The following SH3BGRL2 variants were observed in gnomAD, a reference collection of about 807,000 sequenced individuals.
The protein encoded by SH3BGRL2 is SH3 domain-binding glutamic acid-rich-like protein 2.
Under a neutral mutation model 14.8 loss-of-function variants are expected in SH3BGRL2, and 21 were observed. The ratio of observed to expected loss-of-function variants is 1.42; its 90% CI spans 1.01 to 2.05. The LOEUF (loss-of-function observed/expected upper bound fraction) is 2.05, where lower values mean the gene tolerates loss of function less well. Ranked by LOEUF, SH3BGRL2 falls within the 30% of genes most tolerant of loss-of-function variation. The pLI is 0.00. For missense variants in SH3BGRL2, 147 were observed against 130.8 expected (o/e 1.12, Z -0.61); for synonymous variants, 50 against 47.8 (o/e 1.05, Z -0.19).
At chr6:79,614,886 C>T in the SH3BGRL2 span, among the ~76,000 whole-genome samples, 227 of 152,226 alleles carry the variant, frequency 1.5e-3, 1 homozygote, top group African/African-American at 5.2e-3. Context: ...GGGCCAAAAG[C>T]CACTTTCTGA....
At chr6:79,675,203 G>A (rs1195468246) in intron 2 of SH3BGRL2, among the ~76,000 whole-genome samples, 1 of 152,134 alleles carries the variant, frequency 6.6e-6, no homozygotes, top group Non-Finnish European at 1.5e-5. Flanking sequence ...CGGACTTCGA[G>A]GCTTTGAAAA....
chr6:79,555,233 T>G, the SH3BGRL2 span, among the ~76,000 whole-genome samples: 1 of 152,112 alleles, frequency 6.6e-6, no homozygotes, highest in Non-Finnish European at 1.5e-5. Context: ...GCGGATCACC[T>G]GAGGTCACGA....
At chr6:79,645,749 T>C (rs1442633635) in intron 1 of SH3BGRL2, among the ~76,000 whole-genome samples, 2 of 152,256 alleles carry the variant, frequency 1.3e-5, no homozygotes, top group African/African-American at 4.8e-5. Context: ...ATTAGTTGTT[T>C]GCTGGCTTCA....
chr6:79,554,452 T>C, the SH3BGRL2 span, among the ~76,000 whole-genome samples: 2 of 152,320 alleles, frequency 1.3e-5, no homozygotes, highest in Middle Eastern at 6.8e-3. Context: ...TGAGGGTTCT[T>C]GTTGCTGGAG....
chr6:79,606,093 G>C, the SH3BGRL2 span, among the ~76,000 whole-genome samples: 25 of 152,256 alleles, frequency 1.6e-4, no homozygotes, highest in Admixed American at 3.9e-4. Flanking sequence ...GGGCAAAAAG[G>C]CTCTTTCTAG....
At position 79,662,522 on chromosome 6, in the gene SH3BGRL2, G is replaced by A. The variant is rs142893276; in HGVS notation, c.46-11092G>A. On this transcript the variant is annotated intron_variant, in intron 1 of 3. Coordinates refer to ENST00000369838, the MANE Select transcript of SH3BGRL2 (RefSeq NM_031469.4). The stretch of plus-strand genomic sequence containing the variant: ...GTTTCTGCTGAGAGATCCACTGTTA[G>A]TCTGATGGGCTTCCCTTTGCAGGTA... Among the ~76,000 whole-genome samples the A allele has an allele frequency of 4.7e-3, 720 of 152,314 alleles. 9 individuals carry two copies. The highest frequency in any genetic ancestry group is 0.015 in the African/African-American group (631 of 41,556).
chr6:79,655,075 G>T lies in SH3BGRL2; in HGVS notation c.46-18539G>T, dbSNP rs1236633704. Among the ~76,000 whole-genome samples the T allele has an allele frequency of 2.0e-5, 3 of 152,086 alleles. No homozygotes were observed. In the East Asian group the frequency reaches 5.8e-4, roughly 29 times the overall value. On this transcript the variant is annotated intron_variant, in intron 1 of 3. Transcript: ENST00000369838. ...CTGGGTGTTTTTTTTGTGTGGGGGG[G>T]TCGGAGATGTGGTCTCACTTTAGCA...
At chr6:79,584,115 A>ATTTACTTTATTTTATT in the SH3BGRL2 span, among the ~76,000 whole-genome samples, 7 of 152,276 alleles carry the variant, frequency 4.6e-5, no homozygotes, top group South Asian at 1.2e-3. Context: ...TATGGTCCTC[A>ATTTACTTTATTTTATT]TTTACTTTAT....
At chr6:79,664,396 G>A (rs982850317) in intron 1 of SH3BGRL2, among the ~76,000 whole-genome samples, 1 of 152,216 alleles carries the variant, frequency 6.6e-6, no homozygotes, top group Admixed American at 6.5e-5. Context: ...TTTCACTGCA[G>A]TTCTCTATGC....
the SH3BGRL2 span, among the ~76,000 whole-genome samples, chr6:79,569,414 C>T: frequency 6.6e-6 from 1 of 152,126 alleles, no homozygotes; most frequent in Admixed American, 6.5e-5. Flanking sequence ...AGGAAAAAGA[C>T]CTGGTAAGGG....
At chr6:79,580,515 ATCTGAACAACTTGCT>A in the SH3BGRL2 span, among the ~76,000 whole-genome samples, 1 of 152,222 alleles carries the variant, frequency 6.6e-6, no homozygotes, top group African/African-American at 2.4e-5. Flanking sequence ...ACTACATAGA[ATCTGAACAACTTGCT>A]TCTGAATGAC....
chr6:79,557,156 A>C, the SH3BGRL2 span, among the ~76,000 whole-genome samples: 1 of 151,938 alleles, frequency 6.6e-6, no homozygotes, highest in African/African-American at 2.4e-5. Flanking sequence ...AAGGTGACCA[A>C]GTAGAATGGT....
At chr6:79,550,284 A>T in the SH3BGRL2 span, among the ~76,000 whole-genome samples, 1 of 151,956 alleles carries the variant, frequency 6.6e-6, no homozygotes, top group African/African-American at 2.4e-5. Context: ...TAACAGGAAA[A>T]GGTAGAAGCT....
the SH3BGRL2 span, among the ~76,000 whole-genome samples, chr6:79,544,333 G>A: frequency 6.6e-6 from 1 of 152,206 alleles, no homozygotes; most frequent in African/African-American, 2.4e-5. Context: ...CTGAGTCCCA[G>A]TGAGGTGCTT....
At chr6:79,546,071 A>G in the SH3BGRL2 span, among the ~76,000 whole-genome samples, 1 of 152,196 alleles carries the variant, frequency 6.6e-6, no homozygotes, top group Non-Finnish European at 1.5e-5. Flanking sequence ...TGATATCTGG[A>G]CCAAGCAACA....
At chr6:79,608,251 G>A in the SH3BGRL2 span, among the ~76,000 whole-genome samples, 1 of 152,156 alleles carries the variant, frequency 6.6e-6, no homozygotes, top group Non-Finnish European at 1.5e-5. Flanking sequence ...GGGATACAGA[G>A]CTAAACCATA....
rs201653273 is a variant in SH3BGRL2, at chr6:79,673,797, G to C, written c.229G>C (p.Gly77Arg). Residue 77 changes from glycine to arginine, a missense_variant and splice_region_variant, in exon 2 of 4, where the codon GGA becomes CGA. Gly to Arg is a moderately radical substitution (Grantham distance 125). Transcript: ENST00000369838. ...GATATTTAATGGCGACCGATACTGT[G>C]GAGTAAGTGGCTAGACTGTTATCAT... ...PQIFNGDRYC[G>R]DYDSFFESKE... is the part of the protein sequence containing the mutation. 97 of 1,613,090 alleles carry C rather than the reference G, an allele frequency of 6.0e-5. No homozygotes were observed. The highest frequency in any genetic ancestry group is 8.1e-5 in the Non-Finnish European group (95 of 1,179,594).
At chr6:79,583,028 A>G in the SH3BGRL2 span, among the ~76,000 whole-genome samples, 1 of 152,254 alleles carries the variant, frequency 6.6e-6, no homozygotes, top group East Asian at 1.9e-4. Flanking sequence ...AGACACAGAA[A>G]AAATGCTCAT....
At chr6:79,572,156 G>A in the SH3BGRL2 span, among the ~76,000 whole-genome samples, 4 of 152,046 alleles carry the variant, frequency 2.6e-5, no homozygotes, top group African/African-American at 9.7e-5. Flanking sequence ...ATACCACATT[G>A]CATTTAGTAT....
Sources: gnomAD v4.1 joint callset for allele counts (sites outside exome capture counted in the v4.1 genomes callset) on GRCh38, gnomAD v4.1.1 for gene constraint, MANE v1.5 for transcripts, NCBI Gene and HGNC (gene_info 2026-07-23, HGNC 2026-07-21) for gene names.